The following JPH2 variants were observed in gnomAD, a reference collection of about 807,000 sequenced individuals.
The protein encoded by JPH2 is junctophilin-2.
A neutral mutation model predicts 55.9 loss-of-function variants in JPH2; 38 were observed. The observed-to-expected ratio is 0.68, with a 90% CI of 0.52 to 0.89. The LOEUF (loss-of-function observed/expected upper bound fraction) is 0.89, where lower values mean the gene tolerates loss of function less well. JPH2 is among the 40% of genes least tolerant of loss of function. JPH2 has a pLI of 0.00. For synonymous variants in JPH2, 480 were observed against 472.4 expected, an observed-to-expected ratio of 1.02 and a Z score of -0.21; for missense variants, 964 against 1,037.6, an observed-to-expected ratio of 0.93 and a Z score of 0.97.
At chr20:44,134,082 T>TAG (rs2072354439) in intron 2 of JPH2, among the ~76,000 whole-genome samples, 1 of 20,016 alleles carries the variant, frequency 5.0e-5, no homozygotes, top group African/African-American at 2.4e-4. Flanking sequence ...AATATATATT[T>TAG]ATTATAAATA....
intron 1 of JPH2, among the ~76,000 whole-genome samples, chr20:44,161,042 C>T (rs1368733901): frequency 6.6e-6 from 1 of 152,154 alleles, no homozygotes; most frequent in East Asian, 1.9e-4. Context: ...TGCCACTGCA[C>T]TCCAGCCTGG....
Position 44,162,322 on chromosome 20 carries a change from CT to C in JPH2, c.380-1916del, listed in dbSNP as rs1323285214. On this transcript the variant is annotated intron_variant, in intron 1 of 5. Transcript: ENST00000372980. ...CTGGAACTCTTTTCCTCCAGATATCCTTCAAGTCTTTGCTCAATGAGACCTA... is the reference window on the plus strand; with the variant it reads ...CTGGAACTCTTTTCCTCCAGATATCCTCAAGTCTTTGCTCAATGAGACCTA... 7.2e-5 allele frequency among the ~76,000 whole-genome samples: 11 copies of C among 152,286 alleles called. No individual in the cohort carries two copies. In the East Asian group the frequency reaches 1.9e-3, roughly 27 times the overall value.
At chr20:44,131,651 T>C (rs2072320070) in intron 2 of JPH2, among the ~76,000 whole-genome samples, 1 of 152,218 alleles carries the variant, frequency 6.6e-6, no homozygotes, top group Non-Finnish European at 1.5e-5. Context: ...TGCCATACTT[T>C]TATAATTTAT....
At chr20:44,115,281 C>T (rs1433206755) in intron 4 of JPH2, among the ~76,000 whole-genome samples, 2 of 152,100 alleles carry the variant, frequency 1.3e-5, no homozygotes, top group African/African-American at 2.4e-5. Context: ...GGCCCTTCTT[C>T]CACCTCCATG....
chr20:44,139,777 G>A (rs1260922809), intron 2 of JPH2, among the ~76,000 whole-genome samples: 2 of 152,168 alleles, frequency 1.3e-5, no homozygotes, highest in African/African-American at 4.8e-5. Context: ...ACAAACAAGA[G>A]TTGCCTATGG....
intron 2 of JPH2, among the ~76,000 whole-genome samples, chr20:44,126,438 G>A (rs968654143): frequency 2.0e-5 from 3 of 152,160 alleles, no homozygotes; most frequent in East Asian, 1.9e-4. Flanking sequence ...GCTGCCCAGC[G>A]TCTTCCTGAG....
rs2072121673 is a variant in JPH2, at chr20:44,108,537, T to C, written c.*4981A>G. ...CTTTACAGCCTCAAGATTGCTGACTTTACAGCCTCAAGATGTAAATAGCTT... is the reference window on the plus strand; with the variant it reads ...CTTTACAGCCTCAAGATTGCTGACTCTACAGCCTCAAGATGTAAATAGCTT... On this transcript the variant is annotated 3_prime_UTR_variant, in exon 6 of 6. Coordinates refer to ENST00000372980, the MANE Select transcript of JPH2 (RefSeq NM_020433.5). Among the ~76,000 whole-genome samples, 1 of 151,432 alleles carries C rather than the reference T, an allele frequency of 6.6e-6. No homozygotes were observed. Among genetic ancestry groups the C allele is most frequent in the African/African-American group, 2.4e-5 (1 of 41,058 alleles).
Position 44,160,034 on chromosome 20 carries a change from G to C in JPH2, c.753C>G (p.Ser251Arg), listed in dbSNP as rs749739988. 5.8e-6 allele frequency: 9 copies of C among 1,559,460 alleles called. No homozygotes were observed. Among genetic ancestry groups the C allele is most frequent in the Non-Finnish European group, 6.9e-6 (8 of 1,159,646 alleles). Residue 251 changes from serine (S) to arginine (R), a missense_variant, in exon 2 of 6, where the codon AGC becomes AGG. Coordinates refer to ENST00000372980, the MANE Select transcript of JPH2 (RefSeq NM_020433.5). This position sits in a 1 kb window ranked among gnomAD's most constrained non-coding sequence, Gnocchi z 4.9. ...SQRSRVSFLK[S>R]DLSSGASDAA... ...CGTCGCTGGCGCCCGAGCTGAGGTCGCTCTTAAGGAAGCTGACACGGCTGC... is the reference window on the plus strand; with the variant it reads ...CGTCGCTGGCGCCCGAGCTGAGGTCCCTCTTAAGGAAGCTGACACGGCTGC...
intron 1 of JPH2, among the ~76,000 whole-genome samples, chr20:44,172,945 T>G (rs2072709015): frequency 6.6e-6 from 1 of 152,138 alleles, no homozygotes; most frequent in African/African-American, 2.4e-5. Flanking sequence ...TTATAAAACT[T>G]ATGACAGTGA....
rs546800323 is a variant in JPH2 at position 44,159,725 on chromosome 20, C to G, written c.1062G>C (p.Met354Ile). The G allele has an allele frequency of 5.0e-6, 8 of 1,613,546 alleles. No homozygotes were observed. The Admixed American group carries it at 1.0e-4, about 20-fold the overall frequency. The change falls in exon 2 of 6, where the codon ATG becomes ATC. Residue 354 changes from methionine (M) to isoleucine (I), a missense_variant. Coordinates refer to ENST00000372980, the MANE Select transcript of JPH2 (RefSeq NM_020433.5). The surrounding 1 kb of genome is among the most constrained non-coding windows in gnomAD (Gnocchi z 5.7). ...NVLVKDTKRR[M>I]LQLKSNKVRQ... ...GGACCTTGTTGCTCTTGAGCTGCAG[C>G]ATGCGGCGCTTGGTGTCCTTGACCA... is the stretch of plus-strand genomic sequence containing the variant.
intron 2 of JPH2, among the ~76,000 whole-genome samples, chr20:44,123,565 C>CAG (rs928144312): frequency 7.9e-5 from 12 of 152,328 alleles, no homozygotes; most frequent in Admixed American, 7.8e-4. Flanking sequence ...TTGCCCAAGG[C>CAG]AGTCTGGATG....
At chr20:44,143,333 G>T (rs929281271) in intron 2 of JPH2, among the ~76,000 whole-genome samples, 1 of 152,086 alleles carries the variant, frequency 6.6e-6, no homozygotes, top group Non-Finnish European at 1.5e-5. Context: ...AGTTTCCCCC[G>T]TAGCTGTGGA....
chr20:44,142,941 C>A (rs1020580608), intron 2 of JPH2, among the ~76,000 whole-genome samples: 3 of 152,086 alleles, frequency 2.0e-5, no homozygotes, highest in Admixed American at 1.3e-4. Flanking sequence ...GGTGCTAGGC[C>A]AGGTGCTGGC....
At chr20:44,165,223 T>C (rs1436692482) in intron 1 of JPH2, among the ~76,000 whole-genome samples, 1 of 151,842 alleles carries the variant, frequency 6.6e-6, no homozygotes, top group Non-Finnish European at 1.5e-5. Flanking sequence ...TTTTATCATA[T>C]GGAAATTACA....
chr20:44,151,696 G>C (rs2072531955), intron 2 of JPH2, among the ~76,000 whole-genome samples: 1 of 152,040 alleles, frequency 6.6e-6, no homozygotes, highest in South Asian at 2.1e-4. Context: ...CGGCCTGCCT[G>C]GCCCCTGGAA....
At position 44,112,172 on chromosome 20, in the gene JPH2, C is replaced by T. The variant is rs1054553924; in HGVS notation, c.*1346G>A. ...AGAGCTGCCTGGGGAGGCCCTGCCACAAAGCCAAAGCCTCCAAGGTCCACA... is the reference window on the plus strand; with the variant it reads ...AGAGCTGCCTGGGGAGGCCCTGCCATAAAGCCAAAGCCTCCAAGGTCCACA... On this transcript the variant is annotated 3_prime_UTR_variant, in exon 6 of 6. Coordinates refer to ENST00000372980, the MANE Select transcript of JPH2 (RefSeq NM_020433.5). 7 of 152,264 alleles carry T rather than the reference C, an allele frequency of 4.6e-5. No individual in the cohort carries two copies. Among genetic ancestry groups the T allele is most frequent in the African/African-American group, 1.7e-4 (7 of 41,450 alleles). 9.4% of individuals were successfully genotyped at this position (152,264 alleles called of 1,614,324 possible). A position where few individuals can be genotyped will look rare whatever the true frequency, so the allele number is the denominator to read the frequency against.
intron 2 of JPH2, among the ~76,000 whole-genome samples, chr20:44,128,024 T>G: frequency 6.6e-6 from 1 of 152,226 alleles, no homozygotes; most frequent in Non-Finnish European, 1.5e-5. Flanking sequence ...GCAAGTCACT[T>G]ATCATATATA....
intron 2 of JPH2, among the ~76,000 whole-genome samples, chr20:44,140,286 G>C (rs1014328586): frequency 1.3e-5 from 2 of 152,222 alleles, no homozygotes; most frequent in African/African-American, 4.8e-5. Flanking sequence ...GGGAGAAACT[G>C]TGCAGGCCTG....
At chr20:44,178,115 T>C (rs1339876757) in intron 1 of JPH2, 1 of 726,930 alleles carries the variant, frequency 1.4e-6, no homozygotes, top group South Asian at 1.4e-5. Flanking sequence ...TGTCTTCCTT[T>C]AGTAATATCA....
Sources: allele counts gnomAD v4.1 joint callset (sites outside exome capture counted in the v4.1 genomes callset), GRCh38; gene constraint gnomAD v4.1.1; non-coding constraint Gnocchi (gnomAD v3.1); transcripts MANE v1.5; gene names NCBI Gene and HGNC (gene_info 2026-07-23, HGNC 2026-07-21).